The following CLIP3 variants were observed in gnomAD, a reference collection of about 807,000 sequenced individuals.
CLIP3 encodes CAP-Gly domain-containing linker protein 3.
CLIP3 carries 15 observed loss-of-function variants against 59.4 expected under a neutral mutation model. The observed-to-expected ratio is 0.25, with a 90% CI of 0.17 to 0.39. CLIP3 has a LOEUF of 0.39. Ranked by LOEUF, CLIP3 falls within the 10% of genes least tolerant of loss-of-function variation. The probability of loss-of-function intolerance (pLI) is 1.00; values close to 1 mark genes in which losing one functional copy is unlikely to be tolerated. For missense variants in CLIP3, 495 were observed against 765.7 expected (o/e 0.65, Z 4.17); for synonymous variants, 300 against 321.6 (o/e 0.93, Z 0.72).
chr19:36,031,022 T>C (rs1348694112), intron 2 of CLIP3, among the ~76,000 whole-genome samples: 28 of 110,124 alleles, frequency 2.5e-4, no homozygotes, highest in Non-Finnish European at 4.4e-4. Context: ...TTTTTTTTTT[T>C]CTTTTTTTTT....
chr19:36,024,435 G>A lies in CLIP3; in HGVS notation c.879C>T (p.Gly293=), dbSNP rs770824387. 6.2e-7 allele frequency: 1 copy of A among 1,614,152 alleles called. No individual in the cohort carries two copies. The highest frequency in any genetic ancestry group is 8.5e-7 in the Non-Finnish European group (1 of 1,180,026). Residue 293 remains glycine, a synonymous_variant, in exon 7 of 14, where the codon GGC becomes GGT. Coordinates refer to ENST00000360535, the MANE Select transcript of CLIP3 (RefSeq NM_015526.3). ...GCAGCACGCGGTCTCCCAGGCGCAA[G>A]CCCAGTGCGCTAAGCATGAGATTGC... ...VPGNLMLSAL[G]LRLGDRVLLD...
chr19:36,030,448 C>G (rs1054701271), intron 2 of CLIP3, among the ~76,000 whole-genome samples: 1 of 152,210 alleles, frequency 6.6e-6, no homozygotes, highest in African/African-American at 2.4e-5. Context: ...CTGTCTTGCT[C>G]TATCCTGGCA....
At chr19:36,031,008 C>CTTTTTTTTTTTTTTCTTTTTT (rs1196286069) in intron 2 of CLIP3, among the ~76,000 whole-genome samples, 37 of 77,820 alleles carry the variant, frequency 4.8e-4, no homozygotes, top group South Asian at 8.6e-4. Flanking sequence ...TTTTTCTTTT[C>CTTTTTTTTTTTTTTCTTTTTT]TTTTTTTTTT....
chr19:36,030,972 C>A (rs1319325824), intron 2 of CLIP3, among the ~76,000 whole-genome samples: 1 of 150,786 alleles, frequency 6.6e-6, no homozygotes, highest in Non-Finnish European at 1.5e-5. Context: ...CGTATCTCCA[C>A]CTTTAATTTC....
At position 36,022,711 on chromosome 19, in the gene CLIP3, A is replaced by C. The variant is rs1224852053; in HGVS notation, c.918+1685T>G. On this transcript the variant is annotated intron_variant, in intron 7 of 13. Transcript: ENST00000360535. ...CAAGGCGGGCGAATCGCTTGAGGGCAGGAGTTTGAGACCAGCCTGGCCAAT... is the reference window on the plus strand; with the variant it reads ...CAAGGCGGGCGAATCGCTTGAGGGCCGGAGTTTGAGACCAGCCTGGCCAAT... 2.6e-5 allele frequency among the ~76,000 whole-genome samples: 4 copies of C among 151,916 alleles called. No individual in the cohort carries two copies. The East Asian group carries it at 7.7e-4, about 29-fold the overall frequency.
rs1429941749 is a variant in CLIP3 at position 36,024,399 on chromosome 19, C to T, written c.915G>A (p.Gln305=). The change falls in exon 7 of 14, where the codon CAG becomes CAA. Residue 305 remains glutamine (Q), a synonymous_variant. Coordinates refer to ENST00000360535, the MANE Select transcript of CLIP3 (RefSeq NM_015526.3). ...AACACACATCCCAGCCCCTGACCTT[C>T]TGGCCATCCAGCAGCACGCGGTCTC... The part of the protein sequence containing the change: ...RLGDRVLLDG[Q]KTGTLRFCGT... The T allele has an allele frequency of 6.2e-7, 1 of 1,612,662 alleles. No individual in the cohort carries two copies. The highest frequency in any genetic ancestry group is 8.5e-7 in the Non-Finnish European group (1 of 1,179,282).
intron 9 of CLIP3, 43 bp from the exon 10 acceptor site, chr19:36,018,034 C>T (rs1458972224): frequency 3.1e-6 from 5 of 1,608,144 alleles, no homozygotes; most frequent in Non-Finnish European, 4.2e-6. Context: ...GGGCTGAGGC[C>T]AGCTTTGGGA....
In CLIP3 at chr19:36,016,595, G is replaced by C. The variant is rs192682341; in HGVS notation, c.1589+312C>G. ...ACTCCTGACCTCAGGTGATCCGCCT[G>C]CCTTGGCCTCCCAAAGTGCTGGGAT... On this transcript the variant is annotated intron_variant, in intron 13 of 13. Transcript: ENST00000360535. The surrounding 1 kb of genome is among the most constrained non-coding windows in gnomAD (Gnocchi z 4.1). Among the ~76,000 whole-genome samples, 29 of 152,328 alleles carry C rather than the reference G, an allele frequency of 1.9e-4. No homozygotes were observed. The highest frequency in any genetic ancestry group is 6.5e-4 in the African/African-American group (27 of 41,570).
At chr19:36,028,931 T>C (rs1212232372) in intron 2 of CLIP3, among the ~76,000 whole-genome samples, 1 of 148,794 alleles carries the variant, frequency 6.7e-6, no homozygotes, top group Non-Finnish European at 1.5e-5. Flanking sequence ...AAATGTCATC[T>C]CCTCAGAGAG....
chr19:36,024,076 A>G (rs1004149520), intron 7 of CLIP3, among the ~76,000 whole-genome samples: 4 of 152,166 alleles, frequency 2.6e-5, no homozygotes, highest in Non-Finnish European at 4.4e-5. Context: ...GAGGACCACA[A>G]GACCCGGGGG....
chr19:36,028,879 G>T (rs1969183179), intron 2 of CLIP3, among the ~76,000 whole-genome samples: 1 of 151,550 alleles, frequency 6.6e-6, no homozygotes. Context: ...ACTCAGGATA[G>T]ACTTCCCACA....
At chr19:36,020,906 T>A (rs1968935269) in intron 7 of CLIP3, among the ~76,000 whole-genome samples, 1 of 151,870 alleles carries the variant, frequency 6.6e-6, no homozygotes, top group Non-Finnish European at 1.5e-5. Flanking sequence ...CAGGCTGGAG[T>A]GCAGTGGTGC....
At position 36,016,130 on chromosome 19, in the gene CLIP3, C is replaced by T; in HGVS notation, c.*28G>A. 6.2e-7 allele frequency: 1 copy of T among 1,613,524 alleles called. No homozygotes were observed. Among genetic ancestry groups the T allele is most frequent in the Non-Finnish European group, 8.5e-7 (1 of 1,179,618 alleles). ...GTGTCAGGAGATGCTAGTGGGGACT[C>T]TGTCTCTTTGTCAGGTGTCCAGGGC... On this transcript the variant is annotated 3_prime_UTR_variant, in exon 14 of 14. Coordinates refer to ENST00000360535, the MANE Select transcript of CLIP3 (RefSeq NM_015526.3). The surrounding 1 kb of genome is among the most constrained non-coding windows in gnomAD (Gnocchi z 4.1).
intron 11 of CLIP3, 83 bp from the exon 12 acceptor site, chr19:36,017,533 G>A (rs1968830989): frequency 6.2e-7 from 1 of 1,600,990 alleles, no homozygotes; most frequent in Admixed American, 1.7e-5. Flanking sequence ...GGATCTATGA[G>A]GAAAGGGCTG....
In CLIP3 at chr19:36,026,495, T is replaced by C. The variant is rs927621540; in HGVS notation, c.562+91A>G. The C allele has an allele frequency of 3.5e-5, 54 of 1,542,406 alleles. No individual in the cohort carries two copies. The highest frequency in any genetic ancestry group is 4.5e-5 in the Non-Finnish European group (51 of 1,132,416). On this transcript the variant is annotated intron_variant, in intron 5 of 13. Coordinates refer to ENST00000360535, the MANE Select transcript of CLIP3 (RefSeq NM_015526.3). The surrounding 1 kb of genome is among the most constrained non-coding windows in gnomAD (Gnocchi z 6.3). The stretch of plus-strand genomic sequence containing the variant: ...CTCCCGCTATCTCCTCAGATCACCG[T>C]CCTCCTTCCCCTCGCAGCCTGGCCT...
At position 36,024,609 on chromosome 19, in the gene CLIP3, C is replaced by T. The variant is rs765665353; in HGVS notation, c.705G>A (p.Ala235=). The T allele has an allele frequency of 6.4e-5, 103 of 1,614,066 alleles. No individual in the cohort carries two copies. Among genetic ancestry groups the T allele is most frequent in the Admixed American group, 1.3e-4 (8 of 60,002 alleles). The change falls in exon 7 of 14, where the codon GCG becomes GCA. Residue 235 remains alanine (A), a synonymous_variant. Transcript: ENST00000360535. ...ALRNRKGQVP[A]EVVPDPMDMS... The stretch of plus-strand genomic sequence containing the variant: ...TGTCCATAGGATCTGGGACCACCTC[C>T]GCCGGCACCTGTCCTTTTCGATTCT...
chr19:36,030,301 C>T (rs760747437), intron 2 of CLIP3, among the ~76,000 whole-genome samples: 9 of 152,278 alleles, frequency 5.9e-5, no homozygotes, highest in South Asian at 2.1e-4. Context: ...AATCCTCCCA[C>T]CTTGGCCTCC....
In CLIP3 at chr19:36,026,285, G is replaced by C; in HGVS notation, c.563-20C>G. On this transcript the variant is annotated intron_variant, in intron 5 of 13. Coordinates refer to ENST00000360535, the MANE Select transcript of CLIP3 (RefSeq NM_015526.3). The surrounding 1 kb of genome is among the most constrained non-coding windows in gnomAD (Gnocchi z 6.3). ...TCACCACTGGAAGTGGGCAAGAGGAGGGGTTCCGGGTGAGCGCCTGTGGGA... is the reference window on the plus strand; with the variant it reads ...TCACCACTGGAAGTGGGCAAGAGGACGGGTTCCGGGTGAGCGCCTGTGGGA... 1 of 1,595,200 alleles carries C rather than the reference G, an allele frequency of 6.3e-7. No individual in the cohort carries two copies. Among genetic ancestry groups the C allele is most frequent in the Non-Finnish European group, 8.6e-7 (1 of 1,164,402 alleles).
Position 36,026,622 on chromosome 19 carries a change from G to T in CLIP3, c.526C>A (p.Leu176Ile). 1 of 1,613,802 alleles carries T rather than the reference G, an allele frequency of 6.2e-7. No individual in the cohort carries two copies. Among genetic ancestry groups the T allele is most frequent in the Non-Finnish European group, 8.5e-7 (1 of 1,179,940 alleles). ...GCACCCTTCAGCAGCACACGCACGA[G>T]GTCGGGCACATCAAAATAGGCCGCG... Reference protein sequence around the residue: ...HYAAYFDVPDLVRVLLKGARP... With the variant: ...HYAAYFDVPDIVRVLLKGARP... The change falls in exon 5 of 14, where the codon CTC becomes ATC. Residue 176 changes from leucine to isoleucine, a missense_variant. Around this residue, in one of 5 missense-constraint regions of CLIP3, gnomAD observed 194 missense variants for 327.8 expected, o/e 0.59. Coordinates refer to ENST00000360535, the MANE Select transcript of CLIP3 (RefSeq NM_015526.3). This position sits in a 1 kb window ranked among gnomAD's most constrained non-coding sequence, Gnocchi z 6.3.
Sources: gnomAD v4.1 joint callset for allele counts (sites outside exome capture counted in the v4.1 genomes callset) on GRCh38, gnomAD v4.1.1 for gene constraint, gnomAD v4.1.1 regional missense constraint, Gnocchi (gnomAD v3.1) non-coding constraint, MANE v1.5 for transcripts, NCBI Gene and HGNC (gene_info 2026-07-23, HGNC 2026-07-21) for gene names.